CALN1: variants seen among roughly 807,000 people sequenced by gnomAD.
CALN1 encodes the protein calcium-binding protein 8.
Under a neutral mutation model 30.6 loss-of-function variants are expected in CALN1, and 17 were observed. The observed-to-expected ratio is 0.56, with a 90% CI of 0.38 to 0.83. CALN1 has a LOEUF of 0.83. Ranked by LOEUF, CALN1 falls within the 40% of genes least tolerant of loss-of-function variation. The pLI, the probability that CALN1 is intolerant of heterozygous loss-of-function variation, is 0.00. For missense variants in CALN1, 291 were observed against 354.9 expected (o/e 0.82, Z 1.45); for synonymous variants, 156 against 131.4 (o/e 1.19, Z -1.28).
intron 5 of CALN1, among the ~76,000 whole-genome samples, chr7:71,932,324 C>T (rs570088263): frequency 6.6e-6 from 1 of 152,250 alleles, no homozygotes; most frequent in Middle Eastern, 3.4e-3. Context: ...TACAGGCACA[C>T]ACCACCATGC....
chr7:71,949,724 G>A (rs538384633), intron 5 of CALN1, among the ~76,000 whole-genome samples: 2 of 151,656 alleles, frequency 1.3e-5, no homozygotes, highest in Admixed American at 6.6e-5. Context: ...CAGGGCTCTC[G>A]AGCCCCTATG....
At chr7:72,183,548 G>C (rs1789969828) in intron 3 of CALN1, among the ~76,000 whole-genome samples, 1 of 152,176 alleles carries the variant, frequency 6.6e-6, no homozygotes, top group Non-Finnish European at 1.5e-5. Flanking sequence ...AGGAATGAAG[G>C]ATGACTCTCA....
At chr7:71,837,740 A>G (rs1239624940) in intron 5 of CALN1, among the ~76,000 whole-genome samples, 1 of 152,204 alleles carries the variant, frequency 6.6e-6, no homozygotes, top group Non-Finnish European at 1.5e-5. Context: ...AACTGAAACC[A>G]TCCACATCTA....
At chr7:72,216,681 C>T (rs1274230189) in intron 3 of CALN1, among the ~76,000 whole-genome samples, 1 of 152,102 alleles carries the variant, frequency 6.6e-6, no homozygotes, top group Non-Finnish European at 1.5e-5. Context: ...CCTCTGATCC[C>T]AAAATAAAGC....
chr7:72,126,165 A>C (rs1808750529), intron 3 of CALN1, among the ~76,000 whole-genome samples: 1 of 151,962 alleles, frequency 6.6e-6, no homozygotes, highest in Admixed American at 6.6e-5. Context: ...AGAACATACA[A>C]TGTTTGGTTT....
chr7:72,120,893 G>C (rs1808328198), intron 3 of CALN1, among the ~76,000 whole-genome samples: 1 of 151,986 alleles, frequency 6.6e-6, no homozygotes, highest in South Asian at 2.1e-4. Context: ...CCCCAAGAAA[G>C]ACACACGAGC....
At chr7:72,381,997 A>G (rs1804930622) in intron 2 of CALN1, among the ~76,000 whole-genome samples, 2 of 152,240 alleles carry the variant, frequency 1.3e-5, no homozygotes. Flanking sequence ...GTGGATCACA[A>G]CTTGGCGAAA....
At chr7:71,946,340 C>T (rs1796402595) in intron 5 of CALN1, among the ~76,000 whole-genome samples, 1 of 150,878 alleles carries the variant, frequency 6.6e-6, no homozygotes, top group Admixed American at 6.6e-5. Flanking sequence ...TGTTGCCTTA[C>T]ATCTAGCGGG....
intron 3 of CALN1, among the ~76,000 whole-genome samples, chr7:72,212,101 C>G (rs757562427): frequency 7.9e-5 from 12 of 152,002 alleles, no homozygotes; most frequent in Non-Finnish European, 1.6e-4. Context: ...GCCTGTAATC[C>G]CAGCACTTTG....
At chr7:71,916,125 G>A (rs1794678054) in intron 5 of CALN1, among the ~76,000 whole-genome samples, 1 of 152,128 alleles carries the variant, frequency 6.6e-6, no homozygotes. Context: ...TGTGACACTT[G>A]AGCGAAGATT....
intron 5 of CALN1, among the ~76,000 whole-genome samples, chr7:71,993,705 C>G (rs1238348453): frequency 6.6e-6 from 1 of 152,088 alleles, no homozygotes; most frequent in Non-Finnish European, 1.5e-5. Context: ...AATCCACCTG[C>G]CTTCGCCTCC....
chr7:72,057,753 G>A (rs1005551720), intron 4 of CALN1, among the ~76,000 whole-genome samples: 2 of 151,964 alleles, frequency 1.3e-5, no homozygotes, highest in Non-Finnish European at 2.9e-5. Flanking sequence ...AAAATTAGTT[G>A]TATGACATCT....
chr7:72,118,331 T>G (rs1350697375), intron 3 of CALN1, among the ~76,000 whole-genome samples: 2 of 152,174 alleles, frequency 1.3e-5, no homozygotes, highest in African/African-American at 2.4e-5. Context: ...GTCAACTCCT[T>G]CCCTAGCTAT....
At chr7:72,277,729 T>C (rs1797428132) in intron 3 of CALN1, among the ~76,000 whole-genome samples, 1 of 152,126 alleles carries the variant, frequency 6.6e-6, no homozygotes, top group Admixed American at 6.6e-5. Context: ...CAGAGCCAAA[T>C]GTCCTCCATC....
the CALN1 span, among the ~76,000 whole-genome samples, chr7:72,452,183 G>C: frequency 6.6e-6 from 1 of 152,180 alleles, no homozygotes; most frequent in Non-Finnish European, 1.5e-5. Context: ...AACTTGGATG[G>C]GGGAGGTTAT....
At chr7:72,261,581 G>C (rs1445064058) in intron 3 of CALN1, among the ~76,000 whole-genome samples, 1 of 151,980 alleles carries the variant, frequency 6.6e-6, no homozygotes, top group Non-Finnish European at 1.5e-5. Context: ...TGCACATCAC[G>C]CTTGGATAAC....
intron 5 of CALN1, among the ~76,000 whole-genome samples, chr7:71,828,948 T>C (rs1354750450): frequency 1.3e-5 from 2 of 151,836 alleles, no homozygotes; most frequent in Non-Finnish European, 2.9e-5. Flanking sequence ...GGGGTTTCCC[T>C]GTGTTGGCCA....
chr7:72,449,002 G>A (rs1054758294), upstream of CALN1, among the ~76,000 whole-genome samples: 3 of 152,146 alleles, frequency 2.0e-5, no homozygotes, highest in African/African-American at 7.2e-5. Flanking sequence ...TACGTGCCTT[G>A]GAGTGAGTGT....
At chr7:71,837,240 A>G (rs934786321) in intron 5 of CALN1, among the ~76,000 whole-genome samples, 3 of 119,512 alleles carry the variant, frequency 2.5e-5, no homozygotes, top group Non-Finnish European at 5.1e-5. Flanking sequence ...TCAAAAAAAA[A>G]GACAAAAAAA....
Sources: allele counts gnomAD v4.1 joint callset (sites outside exome capture counted in the v4.1 genomes callset), GRCh38; gene constraint gnomAD v4.1.1; transcripts MANE v1.5; gene names NCBI Gene and HGNC (gene_info 2026-07-23, HGNC 2026-07-21).